The following HMGCLL1 variants were observed in gnomAD, a reference collection of about 807,000 sequenced individuals.
The protein encoded by HMGCLL1 is 3-hydroxymethyl-3-methylglutaryl-CoA lyase, cytoplasmic.
In HMGCLL1, 36 loss-of-function variants were observed where a neutral mutation model predicts 39.1. The observed-to-expected ratio is 0.92, with a 90% CI of 0.71 to 1.22. The LOEUF is 1.22. Ranked by LOEUF, HMGCLL1 falls within the 50% of genes most tolerant of loss-of-function variation. The pLI is 0.00. For missense variants in HMGCLL1, 451 were observed against 416.5 expected (o/e 1.08, Z -0.72); for synonymous variants, 149 against 144.0 (o/e 1.03, Z -0.25).
the HMGCLL1 span, among the ~76,000 whole-genome samples, chr6:55,651,900 A>C: frequency 6.6e-6 from 1 of 151,988 alleles, no homozygotes; most frequent in Non-Finnish European, 1.5e-5. Context: ...AAAGTCTCTG[A>C]GTCACTCCAC....
At chr6:55,506,850 A>T (rs76123989) in intron 5 of HMGCLL1, among the ~76,000 whole-genome samples, 109 of 144,570 alleles carry the variant, frequency 7.5e-4, no homozygotes, top group Middle Eastern at 3.5e-3. Flanking sequence ...AGAAAAAAAA[A>T]ATATTGTATG....
the HMGCLL1 span, among the ~76,000 whole-genome samples, chr6:55,603,603 T>C: frequency 1.8e-4 from 28 of 152,236 alleles, no homozygotes; most frequent in African/African-American, 5.8e-4. Flanking sequence ...AAAATGTCCA[T>C]GCCTACTCAA....
At chr6:55,592,241 C>T in the HMGCLL1 span, among the ~76,000 whole-genome samples, 1 of 151,932 alleles carries the variant, frequency 6.6e-6, no homozygotes, top group African/African-American at 2.4e-5. Flanking sequence ...ACCTTTCTCT[C>T]TTTTAATTTA....
the HMGCLL1 span, among the ~76,000 whole-genome samples, chr6:55,632,020 G>A: frequency 1.3e-5 from 2 of 151,976 alleles, no homozygotes; most frequent in Admixed American, 1.3e-4. Context: ...AAAGTATTAA[G>A]GTTTTTTTGT....
At chr6:55,449,733 A>C (rs1763999735) in intron 7 of HMGCLL1, among the ~76,000 whole-genome samples, 2 of 152,020 alleles carry the variant, frequency 1.3e-5, no homozygotes, top group African/African-American at 2.4e-5. Context: ...AGATTTCTTT[A>C]AATTGTTTAG....
chr6:55,648,875 C>G, the HMGCLL1 span, among the ~76,000 whole-genome samples: 3 of 134,764 alleles, frequency 2.2e-5, no homozygotes, highest in African/African-American at 8.5e-5. Context: ...ATGAGGCCAG[C>G]ATCATTCTGA....
At chr6:55,438,187 T>C (rs1429617443) in intron 8 of HMGCLL1, among the ~76,000 whole-genome samples, 1 of 152,120 alleles carries the variant, frequency 6.6e-6, no homozygotes, top group African/African-American at 2.4e-5. Context: ...TAGCTTCTGA[T>C]ATAAATGATT....
At chr6:55,582,694 A>T (rs191638352), upstream of HMGCLL1, among the ~76,000 whole-genome samples, 3 of 152,196 alleles carry the variant, frequency 2.0e-5, no homozygotes, top group African/African-American at 4.8e-5. Flanking sequence ...CAGAAGATAC[A>T]TAAAGATATC....
intron 1 of HMGCLL1, among the ~76,000 whole-genome samples, chr6:55,543,431 T>G (rs1198208548): frequency 1.5e-5 from 1 of 66,280 alleles, no homozygotes; most frequent in Non-Finnish European, 2.5e-5. Context: ...ATATATATCA[T>G]ATATCATATA....
upstream of HMGCLL1, among the ~76,000 whole-genome samples, chr6:55,579,498 C>T (rs1482941205): frequency 6.6e-6 from 1 of 152,158 alleles, no homozygotes. Context: ...CGTTCATTCC[C>T]AGCTGCAGCC....
At chr6:55,655,585 C>T in the HMGCLL1 span, among the ~76,000 whole-genome samples, 1 of 85,156 alleles carries the variant, frequency 1.2e-5, no homozygotes. Flanking sequence ...GATATCCTGC[C>T]TCCAACTCAA....
At chr6:55,543,147 ATT>A (rs1769598018) in intron 1 of HMGCLL1, among the ~76,000 whole-genome samples, 1 of 5,870 alleles carries the variant, frequency 1.7e-4, no homozygotes, top group African/African-American at 4.4e-4. Flanking sequence ...TATATTATAT[ATT>A]ATATATATTA....
chr6:55,520,278 A>G (rs973605035), intron 3 of HMGCLL1, among the ~76,000 whole-genome samples: 1 of 150,160 alleles, frequency 6.7e-6, no homozygotes, highest in Non-Finnish European at 1.5e-5. Context: ...ATAAATAAAT[A>G]AAAGAAAAAA....
the HMGCLL1 span, among the ~76,000 whole-genome samples, chr6:55,607,451 T>A: frequency 6.6e-6 from 1 of 152,176 alleles, no homozygotes; most frequent in African/African-American, 2.4e-5. Context: ...GTTGCTGCAC[T>A]AGCTTCTGGG....
intron 6 of HMGCLL1, among the ~76,000 whole-genome samples, chr6:55,497,062 T>A (rs1356724877): frequency 6.6e-6 from 1 of 152,132 alleles, no homozygotes; most frequent in African/African-American, 2.4e-5. Context: ...TACTTTGAGG[T>A]AAATTGCAAG....
At chr6:55,489,956 T>C (rs868153977) in intron 7 of HMGCLL1, among the ~76,000 whole-genome samples, 1 of 152,062 alleles carries the variant, frequency 6.6e-6, no homozygotes, top group African/African-American at 2.4e-5. Flanking sequence ...GAAAAGTCAG[T>C]GAAAAAATTG....
At chr6:55,467,090 A>G (rs1055416838) in intron 7 of HMGCLL1, among the ~76,000 whole-genome samples, 8 of 152,050 alleles carry the variant, frequency 5.3e-5, no homozygotes, top group Non-Finnish European at 1.2e-4. Flanking sequence ...TGGCCTTACC[A>G]TAATGTCTTT....
intron 1 of HMGCLL1, among the ~76,000 whole-genome samples, chr6:55,557,876 G>C (rs2127468861): frequency 6.6e-6 from 1 of 152,250 alleles, no homozygotes; most frequent in South Asian, 2.1e-4. Flanking sequence ...TGTACTTGCA[G>C]GCTGTGCCTA....
chr6:55,506,641 G>A (rs773022167), intron 5 of HMGCLL1, among the ~76,000 whole-genome samples: 1 of 151,588 alleles, frequency 6.6e-6, no homozygotes, highest in Non-Finnish European at 1.5e-5. Flanking sequence ...TGCTGTAGAT[G>A]CACCCATCCC....
Sources: allele counts gnomAD v4.1 joint callset (sites outside exome capture counted in the v4.1 genomes callset), GRCh38; gene constraint gnomAD v4.1.1; transcripts MANE v1.5; gene names NCBI Gene and HGNC (gene_info 2026-07-23, HGNC 2026-07-21).